Variants in RELN observed in about 807,000 individuals in gnomAD.
RELN encodes the protein reelin.
RELN carries 108 observed loss-of-function variants against 427.6 expected under a neutral mutation model. The ratio of observed to expected loss-of-function variants is 0.25; its 90% CI spans 0.22 to 0.30. The LOEUF (loss-of-function observed/expected upper bound fraction) is 0.30. Ranked by LOEUF, RELN falls within the 10% of genes least tolerant of loss-of-function variation. RELN has a pLI of 1.00. For synonymous variants in RELN, 1,524 were observed against 1,513.4 expected, an observed-to-expected ratio of 1.01 and a Z score of -0.16; for missense variants, 3,715 against 4,302.8, an observed-to-expected ratio of 0.86 and a Z score of 3.82.
At chr7:103,779,789 G>A (rs985138591) in intron 3 of RELN, among the ~76,000 whole-genome samples, 2 of 152,120 alleles carry the variant, frequency 1.3e-5, no homozygotes, top group African/African-American at 2.4e-5. Context: ...GTGCAGTGGC[G>A]TGATCTTGGC....
At position 103,640,107 on chromosome 7, in the gene RELN, A is replaced by G. The variant is rs141320515; in HGVS notation, c.2069+436T>C. 7.6e-4 allele frequency among the ~76,000 whole-genome samples: 115 copies of G among 152,310 alleles called. No individual in the cohort carries two copies. In the South Asian group the frequency reaches 0.011, roughly 15 times the overall value. ...CTTAAGTTATATTTAAAGATGATGAATTTGCTTATCAAATCTGCTAAATTT... is the reference window on the plus strand; with the variant it reads ...CTTAAGTTATATTTAAAGATGATGAGTTTGCTTATCAAATCTGCTAAATTT... On this transcript the variant is annotated intron_variant, in intron 17 of 64. Transcript: ENST00000428762. The surrounding 1 kb of genome is among the most constrained non-coding windows in gnomAD (Gnocchi z 4.1).
intron 2 of RELN, among the ~76,000 whole-genome samples, chr7:103,848,568 C>G (rs1039352093): frequency 6.6e-6 from 1 of 152,148 alleles, no homozygotes; most frequent in Non-Finnish European, 1.5e-5. Context: ...GAATACTGAT[C>G]TCGCCATACT....
Position 103,697,928 on chromosome 7 carries a change from T to C in RELN, c.1068A>G (p.Arg356=), listed in dbSNP as rs761077554. 1 of 1,613,834 alleles carries C rather than the reference T, an allele frequency of 6.2e-7. No individual in the cohort carries two copies. The highest frequency in any genetic ancestry group is 8.5e-7 in the Non-Finnish European group (1 of 1,179,840). The change falls in exon 10 of 65, where the codon AGA becomes AGG. Residue 356 remains arginine, a synonymous_variant. Coordinates refer to ENST00000428762, the MANE Select transcript of RELN (RefSeq NM_005045.4). ...DNILIINSAH[R]QVVLEDSLDP... ...CGAGACTATCTTCTAAAACGACTTG[T>C]CTGTGAGCTGAATTGATGATCAAGA...
At position 103,681,704 on chromosome 7, in the gene RELN, T is replaced by A. The variant is rs535427228; in HGVS notation, c.1289+412A>T. Among the ~76,000 whole-genome samples the A allele has an allele frequency of 1.2e-4, 19 of 152,276 alleles. No individual in the cohort carries two copies. The East Asian group carries it at 3.3e-3, about 26-fold the overall frequency. ...ACAAATTTTATCCCCTAAAGAATTT[T>A]TATAGATCAAAGCCACATTCCAATG... On this transcript the variant is annotated intron_variant, in intron 11 of 64. Coordinates refer to ENST00000428762, the MANE Select transcript of RELN (RefSeq NM_005045.4).
chr7:103,923,324 T>C (rs1795656160), intron 1 of RELN, among the ~76,000 whole-genome samples: 1 of 152,206 alleles, frequency 6.6e-6, no homozygotes, highest in South Asian at 2.1e-4. Context: ...ATAATTTCCA[T>C]TCCAAACCTC....
At chr7:103,477,065 T>C (rs1341937363) in intron 64 of RELN, among the ~76,000 whole-genome samples, 1 of 152,190 alleles carries the variant, frequency 6.6e-6, no homozygotes, top group African/African-American at 2.4e-5. Flanking sequence ...GAGTAAGTAA[T>C]TGAAAGAAGG....
At chr7:103,744,369 C>A (rs1790758395) in intron 6 of RELN, among the ~76,000 whole-genome samples, 1 of 151,804 alleles carries the variant, frequency 6.6e-6, no homozygotes, top group Admixed American at 6.6e-5. Context: ...AAAGCAAGAG[C>A]AAACACATTC....
chr7:103,686,819 AAACTT>A (rs1162925974), intron 10 of RELN, among the ~76,000 whole-genome samples: 3 of 152,226 alleles, frequency 2.0e-5, no homozygotes, highest in African/African-American at 7.2e-5. Context: ...TATTAAAAGA[AAACTT>A]AAAATAGAAA....
At position 103,534,660 on chromosome 7, in the gene RELN, T is replaced by A. The variant is rs182907617; in HGVS notation, c.7349+656A>T. On this transcript the variant is annotated intron_variant, in intron 46 of 64. Coordinates refer to ENST00000428762, the MANE Select transcript of RELN (RefSeq NM_005045.4). ...GTACCACCATGCCTGGCTAATTTTT[T>A]AATTTTTTTTGTAGAGATGGGGTCT... is the stretch of plus-strand genomic sequence containing the variant. 5.3e-3 allele frequency among the ~76,000 whole-genome samples: 802 copies of A among 152,066 alleles called. 14 individuals carry two copies. The highest frequency in any genetic ancestry group is 0.039 in the Admixed American group (602 of 15,250).
intron 2 of RELN, among the ~76,000 whole-genome samples, chr7:103,872,055 T>TA (rs1394945419): frequency 1.4e-5 from 2 of 147,412 alleles, no homozygotes; most frequent in South Asian, 2.1e-4. Flanking sequence ...TTTTTTTCTT[T>TA]TTTTATTTAT....
chr7:103,552,888 G>A (rs1466977894), intron 40 of RELN, among the ~76,000 whole-genome samples: 2 of 151,914 alleles, frequency 1.3e-5, no homozygotes, highest in African/African-American at 4.8e-5. Flanking sequence ...TAAAACGCTG[G>A]TATAATATAC....
chr7:103,652,828 T>C (rs1302337999), intron 13 of RELN, 69 bp from the exon 14 acceptor site: 3 of 1,406,470 alleles, frequency 2.1e-6, no homozygotes, highest in South Asian at 1.2e-5. Context: ...TTCTCCTAGA[T>C]TTGACCTAAT....
At chr7:103,606,783 AC>A (rs1831830248) in intron 22 of RELN, among the ~76,000 whole-genome samples, 1 of 152,104 alleles carries the variant, frequency 6.6e-6, no homozygotes. Flanking sequence ...CATCTTATGA[AC>A]TTTTAAAAAA....
intron 1 of RELN, among the ~76,000 whole-genome samples, chr7:103,972,757 C>T (rs914031388): frequency 1.3e-5 from 2 of 152,202 alleles, no homozygotes; most frequent in Non-Finnish European, 2.9e-5. Flanking sequence ...GCAGGAATCG[C>T]TTTAAAGCTA....
chr7:103,625,053 T>G (rs1474799487), intron 20 of RELN, among the ~76,000 whole-genome samples: 1 of 152,198 alleles, frequency 6.6e-6, no homozygotes, highest in African/African-American at 2.4e-5. Context: ...ATAGCTTTCC[T>G]TATCTTAATT....
At chr7:103,708,855 A>C (rs945712945) in intron 8 of RELN, among the ~76,000 whole-genome samples, 1 of 151,980 alleles carries the variant, frequency 6.6e-6, no homozygotes, top group African/African-American at 2.4e-5. Context: ...CCTCTAATAA[A>C]ATGCTAACCC....
At position 103,654,029 on chromosome 7, in the gene RELN, T is replaced by C. The variant is rs544705188; in HGVS notation, c.1554+64A>G. On this transcript the variant is annotated intron_variant, in intron 13 of 64. Coordinates refer to ENST00000428762, the MANE Select transcript of RELN (RefSeq NM_005045.4). ...TGCATCTGGAGTGGTCTTTGTGGTT[T>C]TGACTTGGGCTTGTCCAGGGTGGTC... The C allele has an allele frequency of 9.7e-5, 90 of 923,428 alleles. No individual in the cohort carries two copies. The South Asian group carries it at 1.1e-3, about 11-fold the overall frequency. The allele number at this position is 923,428 out of a possible 1,614,324, so 57.2% of individuals were successfully genotyped here. A position where few individuals can be genotyped will look rare whatever the true frequency, so the allele number is the denominator to read the frequency against.
In RELN at chr7:103,492,015, A is replaced by T. The variant is rs1562848781; in HGVS notation, c.9381T>A (p.Gly3127=). ...GYMMQFKIVV[G]CEATSCGDLH... is the part of the protein sequence containing the mutation. ...GGTCACCACAAGAAGTGGCTTCACA[A>T]CCCACCACAATCTAAAACAAACATA... is the stretch of plus-strand genomic sequence containing the variant. Residue 3127 remains glycine, a synonymous_variant, in exon 58 of 65, where the codon GGT becomes GGA. Coordinates refer to ENST00000428762, the MANE Select transcript of RELN (RefSeq NM_005045.4). 1 of 1,612,652 alleles carries T rather than the reference A, an allele frequency of 6.2e-7. No individual in the cohort carries two copies. The highest frequency in any genetic ancestry group is 1.3e-5 in the African/African-American group (1 of 74,886).
chr7:103,808,274 G>C (rs557577792), intron 3 of RELN, among the ~76,000 whole-genome samples: 4 of 151,218 alleles, frequency 2.6e-5, no homozygotes, highest in Admixed American at 6.6e-5. Context: ...GGTGTGGGGA[G>C]GGGGGAGGGA....
Sources: allele counts gnomAD v4.1 joint callset (sites outside exome capture counted in the v4.1 genomes callset), GRCh38; gene constraint gnomAD v4.1.1; non-coding constraint Gnocchi (gnomAD v3.1); transcripts MANE v1.5; gene names NCBI Gene and HGNC (gene_info 2026-07-23, HGNC 2026-07-21).